COBL: variants seen among roughly 807,000 people sequenced by gnomAD.
COBL encodes protein cordon-bleu.
A neutral mutation model predicts 98.8 loss-of-function variants in COBL; 51 were observed. The observed-to-expected ratio is 0.52, with a 90% confidence interval of 0.41 to 0.65. The LOEUF is 0.65. Ranked by LOEUF, COBL falls within the 30% of genes least tolerant of loss-of-function variation. The pLI, the probability that COBL is intolerant of heterozygous loss-of-function variation, is 0.00. For missense variants in COBL, 1,617 were observed against 1,617.5 expected, an observed-to-expected ratio of 1.00 and a Z score of 0.01; for synonymous variants, 634 against 651.7, an observed-to-expected ratio of 0.97 and a Z score of 0.41.
At chr7:51,130,664 C>A (rs1023649785) in intron 6 of COBL, among the ~76,000 whole-genome samples, 2 of 152,220 alleles carry the variant, frequency 1.3e-5, no homozygotes. Flanking sequence ...CCTGCCTCCC[C>A]CTGGGTGTCC....
intron 6 of COBL, among the ~76,000 whole-genome samples, chr7:51,129,340 C>T (rs1340486761): frequency 6.6e-6 from 1 of 151,740 alleles, no homozygotes; most frequent in African/African-American, 2.4e-5. Flanking sequence ...GCTCTCTGGG[C>T]TCTCTTTTAT....
chr7:51,291,087 G>A (rs1179285940), intron 1 of COBL, among the ~76,000 whole-genome samples: 1 of 152,232 alleles, frequency 6.6e-6, no homozygotes, highest in Non-Finnish European at 1.5e-5. Context: ...GAGCGCCAGA[G>A]CAAGGAAAGC....
chr7:51,146,478 T>C (rs1043213908), intron 5 of COBL, among the ~76,000 whole-genome samples: 3 of 152,156 alleles, frequency 2.0e-5, no homozygotes, highest in Non-Finnish European at 4.4e-5. Context: ...CTTGGCAATC[T>C]TGTCATTTAA....
At chr7:51,083,173 G>C (rs1209303964) in intron 7 of COBL, 2 of 1,499,014 alleles carry the variant, frequency 1.3e-6, no homozygotes, top group African/African-American at 2.8e-5. Flanking sequence ...GCACTAACTG[G>C]GGTGGACCCC....
chr7:51,204,854 A>C (rs919035495), intron 2 of COBL, among the ~76,000 whole-genome samples: 1 of 152,164 alleles, frequency 6.6e-6, no homozygotes, highest in Non-Finnish European at 1.5e-5. Context: ...CAGCCAAAAA[A>C]ATCAGTGGCA....
intron 2 of COBL, among the ~76,000 whole-genome samples, chr7:51,214,136 C>T (rs754537730): frequency 3.3e-5 from 5 of 151,922 alleles, no homozygotes; most frequent in South Asian, 2.1e-4. Flanking sequence ...CGTGGTGGCA[C>T]GCATCTGCAA....
intron 6 of COBL, among the ~76,000 whole-genome samples, chr7:51,125,980 G>A (rs1027706223): frequency 4.6e-5 from 7 of 152,048 alleles, no homozygotes; most frequent in African/African-American, 1.2e-4. Context: ...ACTTCTAGAC[G>A]CTTCGATTCC....
At position 51,316,725 on chromosome 7, in the gene COBL, T is replaced by C; in HGVS notation, c.-92A>G. On this transcript the variant is annotated 5_prime_UTR_variant, in exon 1 of 13. Coordinates refer to ENST00000265136, the MANE Select transcript of COBL (RefSeq NM_015198.5). ...ACCGCTGCCGCCCTCATTCACTTTT[T>C]CCGCGCTGACCCATCGTCCTCCCAC... 2.0e-6 allele frequency: 2 copies of C among 1,023,180 alleles called. No individual in the cohort carries two copies. Among genetic ancestry groups the C allele is most frequent in the Non-Finnish European group, 2.5e-6 (2 of 809,010 alleles). The allele number at this position is 1,023,180 out of a possible 1,614,324, so 63.4% of individuals were successfully genotyped here.
chr7:51,027,660 G>T, intron 10 of COBL, 52 bp downstream of exon 10: 1 of 1,422,004 alleles, frequency 7.0e-7, no homozygotes, highest in Non-Finnish European at 9.8e-7. Flanking sequence ...TGAGACCAGT[G>T]CACTGAAGTG....
At chr7:51,235,408 C>T (rs1795162315) in intron 1 of COBL, among the ~76,000 whole-genome samples, 1 of 152,162 alleles carries the variant, frequency 6.6e-6, no homozygotes, top group South Asian at 2.1e-4. Flanking sequence ...AGTGCAGCTG[C>T]CCTGCATCTC....
chr7:51,296,080 T>C (rs962065545), intron 1 of COBL, among the ~76,000 whole-genome samples: 2 of 152,204 alleles, frequency 1.3e-5, no homozygotes, highest in Non-Finnish European at 2.9e-5. Flanking sequence ...CGCTCCTTCT[T>C]TTCTGGGTGT....
intron 7 of COBL, among the ~76,000 whole-genome samples, chr7:51,052,610 GTCTA>G (rs1368184157): frequency 1.3e-5 from 2 of 152,180 alleles, no homozygotes; most frequent in South Asian, 2.1e-4. Context: ...TCTCCAGGTT[GTCTA>G]TCTATTAAAA....
chr7:51,217,022 G>A (rs1013831881), intron 2 of COBL, among the ~76,000 whole-genome samples: 4 of 152,190 alleles, frequency 2.6e-5, no homozygotes, highest in African/African-American at 9.7e-5. Flanking sequence ...CCCACTGGAG[G>A]CAGCTCACAG....
chr7:51,308,702 G>A (rs1802716447), intron 1 of COBL, among the ~76,000 whole-genome samples: 1 of 152,226 alleles, frequency 6.6e-6, no homozygotes, highest in African/African-American at 2.4e-5. Flanking sequence ...GACTTTCCCA[G>A]GTGCAACTAC....
At chr7:51,177,952 C>T (rs1456241114) in intron 5 of COBL, among the ~76,000 whole-genome samples, 1 of 151,884 alleles carries the variant, frequency 6.6e-6, no homozygotes, top group Non-Finnish European at 1.5e-5. Context: ...TTGAGACGAG[C>T]CTGGCCAATA....
intron 7 of COBL, chr7:51,072,566 G>C (rs1359920676): frequency 6.6e-6 from 1 of 152,216 alleles, no homozygotes; most frequent in Non-Finnish European, 1.5e-5. Flanking sequence ...AAGGCCAGAG[G>C]TCACGTGCTT....
intron 2 of COBL, 41 bp downstream of exon 2, chr7:51,219,700 A>C (rs1793427946): frequency 1.3e-6 from 2 of 1,587,102 alleles, no homozygotes; most frequent in Admixed American, 1.7e-5. Flanking sequence ...CTATACTCGC[A>C]AAGTGAGTAC....
intron 12 of COBL, among the ~76,000 whole-genome samples, chr7:51,018,106 C>A (rs773648804): frequency 6.6e-6 from 1 of 152,166 alleles, no homozygotes; most frequent in Non-Finnish European, 1.5e-5. Flanking sequence ...GGTAAGCACA[C>A]AGGAAGTATT....
At chr7:51,184,401 T>C (rs936451051) in intron 4 of COBL, among the ~76,000 whole-genome samples, 14 of 152,238 alleles carry the variant, frequency 9.2e-5, no homozygotes, top group African/African-American at 3.4e-4. Flanking sequence ...TACAGGTTCT[T>C]ACACAGTCTT....
Sources: allele counts gnomAD v4.1 joint callset (sites outside exome capture counted in the v4.1 genomes callset), GRCh38; gene constraint gnomAD v4.1.1; transcripts MANE v1.5; gene names NCBI Gene and HGNC (gene_info 2026-07-23, HGNC 2026-07-21).